The following RO60 variants were observed in gnomAD, a reference collection of about 807,000 sequenced individuals.
RO60 encodes RNA-binding protein RO60.
RO60 carries 20 observed loss-of-function variants against 55.3 expected under a neutral mutation model. The observed-to-expected ratio is 0.36, with a 90% confidence interval of 0.25 to 0.53. The LOEUF (loss-of-function observed/expected upper bound fraction) is 0.53. Ranked by LOEUF, RO60 falls within the 20% of genes least tolerant of loss-of-function variation. The pLI is 0.92. For synonymous variants in RO60, 213 were observed against 213.6 expected (o/e 1.00, Z 0.02); for missense variants, 558 against 646.6 (o/e 0.86, Z 1.49).
At chr1:193,060,040 T>A (rs1186717098) in intron 1 of RO60, 5 of 1,344,930 alleles carry the variant, frequency 3.7e-6, no homozygotes, top group Non-Finnish European at 4.0e-6. Flanking sequence ...CCGCTCCTGC[T>A]TGTCGGCATC....
chr1:193,079,259 T>A (rs1332400018), intron 5 of RO60, among the ~76,000 whole-genome samples: 1 of 152,114 alleles, frequency 6.6e-6, no homozygotes, highest in Middle Eastern at 3.2e-3. Flanking sequence ...AACTAATTTA[T>A]TCCATTTTTA....
Position 193,075,772 on chromosome 1 carries a change from T to G in RO60, c.581-48T>G, listed in dbSNP as rs183270357. On this transcript the variant is annotated intron_variant, in intron 2 of 8. Transcript: ENST00000400968. ...ATTTTGAGGAAACATGTTCTGTTTT[T>G]TTACTTGGTAATCCTGCATGCTTTT... 1.2e-4 allele frequency: 172 copies of G among 1,408,278 alleles called. 1 individual carries two copies. The East Asian group carries it at 3.7e-3, about 30-fold the overall frequency. The allele number at this position is 1,408,278 out of a possible 1,614,324, so 87.2% of individuals were successfully genotyped here.
chr1:193,091,608 A>G (rs1558263005), downstream of RO60: 2 of 1,527,414 alleles, frequency 1.3e-6, no homozygotes, highest in Non-Finnish European at 1.8e-6. Context: ...TCATGATAAA[A>G]CAGTTTTCAC....
chr1:193,062,652 C>A (rs1175661894), intron 1 of RO60, among the ~76,000 whole-genome samples: 1 of 152,140 alleles, frequency 6.6e-6, no homozygotes, highest in Admixed American at 6.6e-5. Context: ...AAAAGAAATC[C>A]CCTACCCATT....
chr1:193,077,879 C>T (rs1466276747), intron 5 of RO60, among the ~76,000 whole-genome samples: 1 of 152,154 alleles, frequency 6.6e-6, no homozygotes, highest in African/African-American at 2.4e-5. Context: ...CTGTCAGGTC[C>T]TTTGACTTGG....
rs754240436 is a variant in RO60, at chr1:193,059,834, A to G, written c.-22+58A>G. 6 of 1,360,290 alleles carry G rather than the reference A, an allele frequency of 4.4e-6. No individual in the cohort carries two copies. The highest frequency in any genetic ancestry group is 5.9e-6 in the Non-Finnish European group (6 of 1,019,146). The allele number at this position is 1,360,290 out of a possible 1,614,324, so 84.3% of individuals were successfully genotyped here. ...TTTTGTGCGGCCCCAGGGACGCGCA[A>G]ATTCTGACCAGTCCTCCATGTCTCT... On this transcript the variant is annotated intron_variant, in intron 1 of 8. Transcript: ENST00000400968. The surrounding 1 kb of genome is among the most constrained non-coding windows in gnomAD (Gnocchi z 4.9).
At chr1:193,080,003 C>T (rs1674196027) in intron 5 of RO60, among the ~76,000 whole-genome samples, 3 of 149,930 alleles carry the variant, frequency 2.0e-5, no homozygotes, top group East Asian at 1.9e-4. Context: ...TGGTGGCGGG[C>T]GCCTGTAATC....
At chr1:193,076,175 T>A (rs544016642) in intron 3 of RO60, 135 bp downstream of exon 3, 1 of 591,046 alleles carries the variant, frequency 1.7e-6, no homozygotes, top group African/African-American at 1.9e-5. Flanking sequence ...GAAATTGATG[T>A]CTGTTTAAAA....
At position 193,089,724 on chromosome 1, in the gene RO60, A is replaced by G. The variant is rs1674776379; in HGVS notation, c.*4993A>G. The G allele has an allele frequency of 6.6e-6, 1 of 152,048 alleles. No individual in the cohort carries two copies. The highest frequency in any genetic ancestry group is 6.6e-5 in the Admixed American group (1 of 15,262). 9.4% of individuals were successfully genotyped at this position (152,048 alleles called of 1,614,324 possible). A position where few individuals can be genotyped will look rare whatever the true frequency, so the allele number is the denominator to read the frequency against. The stretch of plus-strand genomic sequence containing the variant: ...CAAAAGCTAACCTTCTCATCCTAAA[A>G]AGATTTTTCCCTTTGCTTCTGTTTT... On this transcript the variant is annotated 3_prime_UTR_variant, in exon 9 of 9. Coordinates refer to ENST00000400968, the MANE Select transcript of RO60 (RefSeq NM_001173524.2).
rs1334820746 is a variant in RO60, at chr1:193,069,553, G to A, written c.499G>A (p.Ala167Thr). 1 of 1,614,056 alleles carries A rather than the reference G, an allele frequency of 6.2e-7. No homozygotes were observed. The highest frequency in any genetic ancestry group is 1.3e-5 in the African/African-American group (1 of 74,916). The part of the protein sequence containing the change: ...NEKGGMALAL[A>T]VTKYKQRNGW... ...GAAAGGTGGCATGGCCCTTGCTCTG[G>A]CAGTTACAAAATATAAACAGAGAAA... The change falls in exon 2 of 9, where the codon GCA (alanine) becomes ACA (threonine). Residue 167 changes from alanine to threonine, a missense_variant. Coordinates refer to ENST00000400968, the MANE Select transcript of RO60 (RefSeq NM_001173524.2).
rs1231476547 is a variant in RO60 at position 193,069,127 on chromosome 1, T to C, written c.73T>C (p.Trp25Arg). The C allele has an allele frequency of 2.5e-6, 4 of 1,614,110 alleles. No individual in the cohort carries two copies. The highest frequency in any genetic ancestry group is 1.1e-5 in the South Asian group (1 of 91,092). ...AGCCAATTCTCAGGATGGATATGTA[T>C]GGCAAGTCACTGACATGAATCGACT... ...QIANSQDGYV[W>R]QVTDMNRLHR... Residue 25 changes from tryptophan (W) to arginine (R), a missense_variant, in exon 2 of 9, where the codon TGG becomes CGG. Coordinates refer to ENST00000400968, the MANE Select transcript of RO60 (RefSeq NM_001173524.2).
chr1:193,091,544 T>C, downstream of RO60: 1 of 886,390 alleles, frequency 1.1e-6, no homozygotes, highest in East Asian at 2.7e-5. Context: ...AACAATGTAA[T>C]TTTGCTGTTT....
Position 193,086,115 on chromosome 1 carries a change from T to G in RO60, c.*1384T>G. ...ATTTGTAAGGTCCTTCTCGCTGTTA[T>G]GTGAAAAGTCAAACTGTAGTTAATG... On this transcript the variant is annotated 3_prime_UTR_variant, in exon 9 of 9. Coordinates refer to ENST00000400968, the MANE Select transcript of RO60 (RefSeq NM_001173524.2). 4.8e-6 allele frequency: 4 copies of G among 836,496 alleles called. No homozygotes were observed. The highest frequency in any genetic ancestry group is 5.8e-6 in the Non-Finnish European group (4 of 694,410). 51.8% of individuals were successfully genotyped at this position (836,496 alleles called of 1,614,324 possible).
chr1:193,084,470 T>C (rs1198742818), intron 8 of RO60, 109 bp from the exon 9 acceptor site: 1 of 1,311,510 alleles, frequency 7.6e-7, no homozygotes, highest in Non-Finnish European at 1.0e-6. Context: ...AAAATGACTT[T>C]GTATTTAAAA....
In RO60 at chr1:193,069,068, T is replaced by C; in HGVS notation, c.14T>C (p.Val5Ala). Residue 5 changes from valine (V) to alanine (A), a missense_variant, in exon 2 of 9, where the codon GTA becomes GCA. Val to Ala is a moderately conservative substitution (Grantham distance 64, BLOSUM62 0). Transcript: ENST00000400968. Reference sequence around the variant, plus strand: ...AGACAAAAAAAAATGGAGGAATCTGTAAACCAAATGCAGCCACTGAATGAG... The same window carrying C: ...AGACAAAAAAAAATGGAGGAATCTGCAAACCAAATGCAGCCACTGAATGAG... MEESVNQMQPLNEKQ... is the reference protein window; with the variant it reads MEESANQMQPLNEKQ... 1 of 1,608,818 alleles carries C rather than the reference T, an allele frequency of 6.2e-7. No homozygotes were observed. The highest frequency in any genetic ancestry group is 2.2e-5 in the East Asian group (1 of 44,782).
rs946100821 is a variant in RO60 at position 193,082,338 on chromosome 1, T to A, written c.1317+39T>A. The A allele has an allele frequency of 6.9e-6, 10 of 1,456,346 alleles. No homozygotes were observed. The African/African-American group carries it at 1.4e-4, about 21-fold the overall frequency. The allele number at this position is 1,456,346 out of a possible 1,614,324, so 90.2% of individuals were successfully genotyped here. On this transcript the variant is annotated intron_variant, in intron 7 of 8. Transcript: ENST00000400968. ...TTTTTTAAGTTTACTTAGTTAAGTT[T>A]ACATAACGTGTAGAATGATTTTATA...
At chr1:193,073,753 A>G (rs954723964) in intron 2 of RO60, among the ~76,000 whole-genome samples, 16 of 151,966 alleles carry the variant, frequency 1.1e-4, no homozygotes, top group African/African-American at 3.9e-4. Context: ...TTTTTTTATT[A>G]TACTTTAAGT....
intron 1 of RO60, among the ~76,000 whole-genome samples, chr1:193,062,873 T>G (rs1395517397): frequency 6.6e-6 from 1 of 152,256 alleles, no homozygotes; most frequent in Non-Finnish European, 1.5e-5. Context: ...CTTCATCCCT[T>G]TTTATTGTCT....
Position 193,089,430 on chromosome 1 carries a change from A to AT in RO60, c.*4705dup, listed in dbSNP as rs913274996. The AT allele has an allele frequency of 1.3e-5, 2 of 152,176 alleles. No individual in the cohort carries two copies. The highest frequency in any genetic ancestry group is 1.3e-4 in the Admixed American group (2 of 15,278). The allele number at this position is 152,176 out of a possible 1,614,324, so 9.4% of individuals were successfully genotyped here. A position where few individuals can be genotyped will look rare whatever the true frequency, so the allele number is the denominator to read the frequency against. On this transcript the variant is annotated 3_prime_UTR_variant, in exon 9 of 9. Coordinates refer to ENST00000400968, the MANE Select transcript of RO60 (RefSeq NM_001173524.2). ...CATTTGGCTTTTTTTTAATTGGTGC[A>AT]TTTTTTAATTTGCTTTTTTGAAAAT... is the stretch of plus-strand genomic sequence containing the variant.
Sources: allele counts gnomAD v4.1 joint callset (sites outside exome capture counted in the v4.1 genomes callset), GRCh38; gene constraint gnomAD v4.1.1; non-coding constraint Gnocchi (gnomAD v3.1); transcripts MANE v1.5; gene names NCBI Gene and HGNC (gene_info 2026-07-23, HGNC 2026-07-21).